Variants in PCDHA4 observed in about 807,000 individuals in gnomAD.
The protein encoded by PCDHA4 is protocadherin alpha-4.
A neutral mutation model predicts 61.4 loss-of-function variants in PCDHA4; 49 were observed. The ratio of observed to expected loss-of-function variants is 0.80; its 90% confidence interval spans 0.63 to 1.01. PCDHA4 has a LOEUF of 1.01. Ranked by LOEUF, PCDHA4 falls within the 50% of genes least tolerant of loss-of-function variation. PCDHA4 has a pLI of 0.00. For missense variants in PCDHA4, 1,254 were observed against 1,235.8 expected (o/e 1.01, Z -0.22); for synonymous variants, 590 against 550.3 (o/e 1.07, Z -1.01).
At chr5:140,996,795 C>G (rs1554255407) in intron 3 of PCDHA4, among the ~76,000 whole-genome samples, 1 of 152,170 alleles carries the variant, frequency 6.6e-6, no homozygotes, top group East Asian at 1.9e-4. Flanking sequence ...CTCCCTACAT[C>G]CAATCATGCT....
At chr5:140,868,380 G>T (rs2050428157) in intron 1 of PCDHA4, 1 of 152,028 alleles carries the variant, frequency 6.6e-6, no homozygotes, top group South Asian at 2.1e-4. Context: ...AGTAAAGAAT[G>T]AGAACTATAG....
At chr5:140,986,052 C>A (rs896963006) in intron 3 of PCDHA4, among the ~76,000 whole-genome samples, 3 of 152,066 alleles carry the variant, frequency 2.0e-5, no homozygotes, top group Admixed American at 1.3e-4. Flanking sequence ...CTGATGAATT[C>A]TTTTGCTTTT....
chr5:140,959,031 G>A (rs1554223798), intron 1 of PCDHA4, among the ~76,000 whole-genome samples: 1 of 151,806 alleles, frequency 6.6e-6, no homozygotes, highest in Non-Finnish European at 1.5e-5. Flanking sequence ...CTTTATCATG[G>A]GTATGTATGT....
chr5:140,941,199 C>CT (rs879983584), intron 1 of PCDHA4, among the ~76,000 whole-genome samples: 21,657 of 115,670 alleles, frequency 0.19, 2,171 homozygotes, highest in East Asian at 0.37. Flanking sequence ...TTTTTTCTTT[C>CT]TTCCTTTCTT....
intron 1 of PCDHA4, among the ~76,000 whole-genome samples, chr5:140,932,376 A>G (rs2088262778): frequency 6.6e-6 from 1 of 151,964 alleles, no homozygotes; most frequent in African/African-American, 2.4e-5. Context: ...TTTCCACATG[A>G]AAGTTATACA....
intron 1 of PCDHA4, chr5:140,836,659 G>A: frequency 6.2e-7 from 1 of 1,613,452 alleles, no homozygotes; most frequent in South Asian, 1.1e-5. Flanking sequence ...CAGAGGGTGT[G>A]CTCTGGGGAG....
chr5:140,834,888 A>G (rs2150228712), intron 1 of PCDHA4: 2 of 1,605,238 alleles, frequency 1.2e-6, no homozygotes, highest in African/African-American at 1.4e-5. Context: ...CGCCCTGCTC[A>G]CTTACAGACT....
At chr5:140,857,189 A>C (rs782018937) in intron 1 of PCDHA4, 1 of 1,598,598 alleles carries the variant, frequency 6.3e-7, no homozygotes, top group Non-Finnish European at 8.6e-7. Context: ...TTCAGGAGCC[A>C]ACGGACAGGT....
intron 1 of PCDHA4, among the ~76,000 whole-genome samples, chr5:140,838,075 A>AGTGTGTGTG (rs781914509): frequency 7.8e-6 from 1 of 128,134 alleles, no homozygotes; most frequent in Admixed American, 8.1e-5. Flanking sequence ...TTATATATAT[A>AGTGTGTGTG]TAGTGTGTGT....
At position 141,012,295 on chromosome 5, in the gene PCDHA4, T is replaced by C. The variant is rs2098423507; in HGVS notation, c.*2358T>C. ...GTCATGTGGATTCATTTTGAATTGG[T>C]GCTATTGGTATTTCCTCTGTTATTG... On this transcript the variant is annotated 3_prime_UTR_variant, in exon 4 of 4. Coordinates refer to ENST00000530339, the MANE Select transcript of PCDHA4 (RefSeq NM_018907.4). 6.5e-6 allele frequency: 1 copy of C among 153,776 alleles called. No homozygotes were observed. The highest frequency in any genetic ancestry group is 2.4e-5 in the African/African-American group (1 of 41,466). 9.5% of individuals were successfully genotyped at this position (153,776 alleles called of 1,614,324 possible).
chr5:140,935,144 A>C (rs1289868558), intron 1 of PCDHA4, among the ~76,000 whole-genome samples: 1 of 152,184 alleles, frequency 6.6e-6, no homozygotes, highest in Non-Finnish European at 1.5e-5. Flanking sequence ...TGATACTTAG[A>C]GATATAATCT....
At chr5:140,848,367 G>C in intron 1 of PCDHA4, 3 of 1,100,452 alleles carry the variant, frequency 2.7e-6, no homozygotes, top group Non-Finnish European at 4.0e-6. Context: ...TGGGAAAGAG[G>C]CTCAATTCTT....
chr5:140,889,417 A>G (rs2062219100), intron 1 of PCDHA4, among the ~76,000 whole-genome samples: 1 of 152,040 alleles, frequency 6.6e-6, no homozygotes. Context: ...TCAGTTACGT[A>G]GATAATATTT....
At chr5:140,882,667 C>A in intron 1 of PCDHA4, 1 of 1,614,160 alleles carries the variant, frequency 6.2e-7, no homozygotes, top group Middle Eastern at 1.6e-4. Flanking sequence ...CGCCCATATT[C>A]CCTGAAAGCA....
In PCDHA4 at chr5:140,884,236, G is replaced by A. The variant is rs368136155; in HGVS notation, c.2385+74664G>A. ...TGGTGCTGGTGAAGGACCACGGTGAGCCCGCGCTGACGGCCACGGCAACGG... is the reference window on the plus strand; with the variant it reads ...TGGTGCTGGTGAAGGACCACGGTGAACCCGCGCTGACGGCCACGGCAACGG... On this transcript the variant is annotated intron_variant, in intron 1 of 3. Transcript: ENST00000530339. 11 of 1,613,334 alleles carry A rather than the reference G, an allele frequency of 6.8e-6. No homozygotes were observed. The African/African-American group carries it at 1.2e-4, about 18-fold the overall frequency.
chr5:140,924,931 T>C (rs1414085243), intron 1 of PCDHA4, among the ~76,000 whole-genome samples: 1 of 125,890 alleles, frequency 7.9e-6, no homozygotes, highest in Admixed American at 8.0e-5. Context: ...TAAAATAAAA[T>C]AAAATAAAAA....
chr5:140,896,194 T>G (rs2065426928), intron 1 of PCDHA4, among the ~76,000 whole-genome samples: 2 of 152,244 alleles, frequency 1.3e-5, no homozygotes, highest in Middle Eastern at 3.2e-3. Flanking sequence ...AATAGTGCCA[T>G]GATGAACATA....
chr5:140,862,359 C>A lies in PCDHA4; in HGVS notation c.2385+52787C>A, dbSNP rs1364549064. ...CCTAACTTCAGTGCCAAGGGACAGA[C>A]GACCCGCACCCTGACTCCTCACGTC... On this transcript the variant is annotated intron_variant, in intron 1 of 3. Coordinates refer to ENST00000530339, the MANE Select transcript of PCDHA4 (RefSeq NM_018907.4). 17 of 337,738 alleles carry A rather than the reference C, an allele frequency of 5.0e-5. No individual in the cohort carries two copies. In the East Asian group the frequency reaches 1.2e-3, roughly 24 times the overall value. The allele number at this position is 337,738 out of a possible 1,614,324, so 20.9% of individuals were successfully genotyped here.
chr5:140,935,710 A>C (rs551291942), intron 1 of PCDHA4, among the ~76,000 whole-genome samples: 1 of 152,272 alleles, frequency 6.6e-6, no homozygotes, highest in South Asian at 2.1e-4. Context: ...TATAAAACAA[A>C]ATATATTTAG....
Sources: gnomAD v4.1 joint callset for allele counts (sites outside exome capture counted in the v4.1 genomes callset) on GRCh38, gnomAD v4.1.1 for gene constraint, MANE v1.5 for transcripts, NCBI Gene and HGNC (gene_info 2026-07-23, HGNC 2026-07-21) for gene names.